Variants in PPP2R2B observed in about 807,000 individuals in gnomAD.
The protein encoded by PPP2R2B is protein phosphatase 2 regulatory subunit Bbeta.
PPP2R2B carries 5 observed loss-of-function variants against 46.0 expected under a neutral mutation model. The observed-to-expected ratio is 0.11, with a 90% CI of 0.06 to 0.23. The LOEUF (loss-of-function observed/expected upper bound fraction) is 0.23, where lower values mean the gene tolerates loss of function less well. PPP2R2B is among the 10% of genes least tolerant of loss of function. The probability of loss-of-function intolerance (pLI) is 1.00; values close to 1 mark genes in which losing one functional copy is unlikely to be tolerated. For synonymous variants in PPP2R2B, 215 were observed against 206.7 expected, an observed-to-expected ratio of 1.04 and a Z score of -0.34; for missense variants, 367 against 575.0, an observed-to-expected ratio of 0.64 and a Z score of 3.70.
chr5:146,800,342 C>T (rs190224116), intron 2 of PPP2R2B, among the ~76,000 whole-genome samples: 8 of 152,118 alleles, frequency 5.3e-5, no homozygotes, highest in South Asian at 2.1e-4. Flanking sequence ...TAAGGATCCC[C>T]GGGTACTGGT....
chr5:146,655,012 C>T (rs1776227871), intron 5 of PPP2R2B, among the ~76,000 whole-genome samples: 1 of 152,198 alleles, frequency 6.6e-6, no homozygotes, highest in African/African-American at 2.4e-5. Context: ...AAGGGATGTG[C>T]TGAGTGAACA....
At chr5:146,846,581 G>A (rs1471909215) in intron 2 of PPP2R2B, among the ~76,000 whole-genome samples, 1 of 151,966 alleles carries the variant, frequency 6.6e-6, no homozygotes, top group Non-Finnish European at 1.5e-5. Context: ...AGGAGGCTGA[G>A]GCAGGAGAAT....
At chr5:146,760,612 G>A (rs1754101112) in intron 2 of PPP2R2B, among the ~76,000 whole-genome samples, 1 of 152,178 alleles carries the variant, frequency 6.6e-6, no homozygotes, top group South Asian at 2.1e-4. Flanking sequence ...AGACTGAGGA[G>A]CTGCAAGTCA....
chr5:146,793,949 A>G (rs1756368057), intron 2 of PPP2R2B, among the ~76,000 whole-genome samples: 1 of 152,192 alleles, frequency 6.6e-6, no homozygotes, highest in South Asian at 2.1e-4. Context: ...TTTCTAGGTG[A>G]CCATGCCTAG....
intron 4 of PPP2R2B, among the ~76,000 whole-genome samples, chr5:146,694,289 G>A (rs540477963): frequency 1.4e-4 from 21 of 152,308 alleles, no homozygotes; most frequent in South Asian, 4.1e-4. Context: ...AGCGAAAGGA[G>A]ATCCTGCTGC....
intron 2 of PPP2R2B, among the ~76,000 whole-genome samples, chr5:146,806,547 T>A (rs778681723): frequency 6.6e-6 from 1 of 152,256 alleles, no homozygotes; most frequent in Non-Finnish European, 1.5e-5. Flanking sequence ...CTATGCAGAC[T>A]GACCCCAAAG....
chr5:146,740,969 G>A (rs919509849), intron 2 of PPP2R2B, among the ~76,000 whole-genome samples: 8 of 151,674 alleles, frequency 5.3e-5, no homozygotes, highest in African/African-American at 1.5e-4. Context: ...CCCGGGAGGC[G>A]GAGGTGGCAG....
At chr5:146,780,926 A>C (rs964225760) in intron 2 of PPP2R2B, among the ~76,000 whole-genome samples, 2 of 151,964 alleles carry the variant, frequency 1.3e-5, no homozygotes, top group African/African-American at 2.4e-5. Context: ...ACTGCATAGA[A>C]GTAGAAGAAT....
At chr5:146,912,604 A>T (rs572326771) in intron 1 of PPP2R2B, among the ~76,000 whole-genome samples, 62 of 151,262 alleles carry the variant, frequency 4.1e-4, no homozygotes, top group Non-Finnish European at 5.5e-4. Flanking sequence ...ACCTGGGTTC[A>T]AGCAATTCTC....
At chr5:146,827,979 G>C (rs1758680728) in intron 2 of PPP2R2B, among the ~76,000 whole-genome samples, 1 of 151,480 alleles carries the variant, frequency 6.6e-6, no homozygotes, top group Admixed American at 6.6e-5. Context: ...AAAGAATTGG[G>C]AGTCTCCATG....
In PPP2R2B at chr5:146,857,676, C is replaced by G. The variant is rs569578240; in HGVS notation, c.70+20326G>C. 3.7e-4 allele frequency among the ~76,000 whole-genome samples: 56 copies of G among 150,996 alleles called. 1 individual carries two copies. The highest frequency in any genetic ancestry group is 1.3e-3 in the African/African-American group (52 of 40,868). ...TAACGGTAATATCTTAAGACATATA[C>G]ATAACTGTACTAATTTTTTTTTTTT... is the stretch of plus-strand genomic sequence containing the variant. On this transcript the variant is annotated intron_variant, in intron 2 of 9. Coordinates refer to ENST00000394411, the MANE Select transcript of PPP2R2B (RefSeq NM_181675.4).
At chr5:146,872,195 C>G (rs902172686) in intron 2 of PPP2R2B, among the ~76,000 whole-genome samples, 15 of 152,174 alleles carry the variant, frequency 9.9e-5, no homozygotes, top group Admixed American at 9.8e-4. Context: ...GGGATTGCCC[C>G]TGGGGACCTG....
intron 2 of PPP2R2B, among the ~76,000 whole-genome samples, chr5:146,870,902 A>G (rs1040601447): frequency 1.3e-5 from 2 of 152,208 alleles, no homozygotes; most frequent in African/African-American, 4.8e-5. Context: ...ACCCAGGATG[A>G]CCCTTTCTCC....
chr5:146,719,708 T>A (rs1581947393), intron 2 of PPP2R2B, among the ~76,000 whole-genome samples: 2 of 152,130 alleles, frequency 1.3e-5, no homozygotes, highest in South Asian at 4.1e-4. Context: ...AGTGGATAGG[T>A]CATATCTGAC....
chr5:146,682,369 A>C lies in PPP2R2B; in HGVS notation c.447+8759T>G, dbSNP rs185693939. Among the ~76,000 whole-genome samples the C allele has an allele frequency of 6.5e-3, 997 of 152,290 alleles. 12 individuals carry two copies. Among genetic ancestry groups the C allele is most frequent in the Non-Finnish European group, 7.8e-3 (528 of 68,024 alleles). On this transcript the variant is annotated intron_variant, in intron 5 of 9. Coordinates refer to ENST00000394411, the MANE Select transcript of PPP2R2B (RefSeq NM_181675.4). ...AGACAAGATGGGAAAAAAGAGGAGAAAGGGATTAACATAAACTAAGCGTCT... is the reference window on the plus strand; with the variant it reads ...AGACAAGATGGGAAAAAAGAGGAGACAGGGATTAACATAAACTAAGCGTCT...
intron 1 of PPP2R2B, among the ~76,000 whole-genome samples, chr5:146,977,724 T>A (rs1582534761): frequency 6.6e-6 from 1 of 152,154 alleles, no homozygotes; most frequent in South Asian, 2.1e-4. Context: ...TTTATGGCTG[T>A]GTAGTATTCC....
At chr5:146,783,512 A>G (rs546716703) in intron 2 of PPP2R2B, among the ~76,000 whole-genome samples, 4 of 152,312 alleles carry the variant, frequency 2.6e-5, no homozygotes, top group East Asian at 1.9e-4. Flanking sequence ...AAATTTTTCT[A>G]CTTATGCTTT....
chr5:146,850,009 G>C (rs1165018051), intron 2 of PPP2R2B, among the ~76,000 whole-genome samples: 1 of 152,132 alleles, frequency 6.6e-6, no homozygotes, highest in African/African-American at 2.4e-5. Context: ...GGAGGGTAAA[G>C]TACAAAGGGA....
At chr5:146,650,914 A>G (rs1775909633) in intron 5 of PPP2R2B, among the ~76,000 whole-genome samples, 190 bp from the exon 6 acceptor site, 1 of 152,222 alleles carries the variant, frequency 6.6e-6, no homozygotes, top group Admixed American at 6.5e-5. Context: ...CTCTTTCAAA[A>G]GATATCACCA....
Sources: allele counts gnomAD v4.1 joint callset (sites outside exome capture counted in the v4.1 genomes callset), GRCh38; gene constraint gnomAD v4.1.1; transcripts MANE v1.5; gene names NCBI Gene and HGNC (gene_info 2026-07-23, HGNC 2026-07-21).